Variants in SLC71A1 observed in about 807,000 individuals in gnomAD.
SLC71A1 encodes the protein hippocampus abundant gene transcript 1.
chr1:100,063,871 A>C, the SLC71A1 span, among the ~76,000 whole-genome samples: 1 of 152,146 alleles, frequency 6.6e-6, no homozygotes, highest in Non-Finnish European at 1.5e-5. Context: ...TACCAAGTGG[A>C]GAGAACTGAG....
At chr1:100,072,779 TC>T in the SLC71A1 span, among the ~76,000 whole-genome samples, 1 of 152,140 alleles carries the variant, frequency 6.6e-6, no homozygotes, top group Non-Finnish European at 1.5e-5. Context: ...CCCCATTACT[TC>T]CTGGGCACCG....
At chr1:100,067,793 G>A in the SLC71A1 span, among the ~76,000 whole-genome samples, 1 of 152,106 alleles carries the variant, frequency 6.6e-6, no homozygotes, top group Non-Finnish European at 1.5e-5. Context: ...CTGGGCGACA[G>A]AGCAAGACCC....
chr1:100,048,992 A>G, the SLC71A1 span, among the ~76,000 whole-genome samples: 3 of 152,244 alleles, frequency 2.0e-5, no homozygotes, highest in Middle Eastern at 6.8e-3. Flanking sequence ...GCTCCTCCCA[A>G]TTTCAAATCC....
At chr1:100,078,566 A>T in the SLC71A1 span, 4 of 1,521,676 alleles carry the variant, frequency 2.6e-6, no homozygotes, top group Non-Finnish European at 3.6e-6. Flanking sequence ...GATAGGAACT[A>T]GCGATAATTA....
the SLC71A1 span, among the ~76,000 whole-genome samples, chr1:100,055,669 C>T: frequency 2.6e-5 from 4 of 151,934 alleles, no homozygotes; most frequent in Non-Finnish European, 4.4e-5. Context: ...GTAATAATTA[C>T]GTCAGGGTAA....
chr1:100,074,104 C>T, the SLC71A1 span, among the ~76,000 whole-genome samples: 229 of 152,196 alleles, frequency 1.5e-3, 5 homozygotes, highest in Admixed American at 0.014. Flanking sequence ...TTGTAAGTAT[C>T]GGTGTCTTTT....
the SLC71A1 span, chr1:100,069,587 T>C: frequency 1.4e-6 from 2 of 1,475,234 alleles, no homozygotes; most frequent in Non-Finnish European, 1.9e-6. Context: ...TATTCATTAA[T>C]GTTACCTTTT....
chr1:100,065,645 TTTC>T, the SLC71A1 span, among the ~76,000 whole-genome samples: 1 of 150,010 alleles, frequency 6.7e-6, no homozygotes, highest in South Asian at 2.1e-4. Flanking sequence ...TCCCTTCTTT[TTTC>T]TTTTTCTTTC....
chr1:100,082,269 C>G, the SLC71A1 span: 31 of 1,272,760 alleles, frequency 2.4e-5, no homozygotes, highest in Non-Finnish European at 3.4e-5. Context: ...ACCTCTAGTT[C>G]TGGATGTACA....
At chr1:100,069,781 A>G in the SLC71A1 span, 3 of 796,004 alleles carry the variant, frequency 3.8e-6, no homozygotes, top group East Asian at 2.4e-5. Flanking sequence ...TGGAATCAAC[A>G]AAGTCAGGAG....
the SLC71A1 span, among the ~76,000 whole-genome samples, chr1:100,055,776 C>T: frequency 9.5e-4 from 144 of 152,054 alleles, no homozygotes; most frequent in African/African-American, 3.3e-3. Context: ...TTTTTTGAGA[C>T]GGAGTCTTGC....
At chr1:100,066,893 G>T in the SLC71A1 span, among the ~76,000 whole-genome samples, 2 of 148,530 alleles carry the variant, frequency 1.3e-5, no homozygotes, top group African/African-American at 5.0e-5. Flanking sequence ...GGAGGCTGAG[G>T]CAGGAGAATG....
At chr1:100,046,709 A>G in the SLC71A1 span, among the ~76,000 whole-genome samples, 1 of 152,182 alleles carries the variant, frequency 6.6e-6, no homozygotes, top group Non-Finnish European at 1.5e-5. Context: ...GATTCTTCCA[A>G]TTTATGAACA....
the SLC71A1 span, chr1:100,059,979 A>G: frequency 6.2e-7 from 1 of 1,612,174 alleles, no homozygotes; most frequent in Non-Finnish European, 8.5e-7. Flanking sequence ...CATGTGCCCC[A>G]ATTCCTTTAA....
the SLC71A1 span, among the ~76,000 whole-genome samples, chr1:100,048,160 A>G: frequency 6.6e-6 from 1 of 151,432 alleles, no homozygotes; most frequent in African/African-American, 2.4e-5. Context: ...TGGACAAAAC[A>G]GGTTTAAAGC....
chr1:100,046,584 T>C, the SLC71A1 span, among the ~76,000 whole-genome samples: 1 of 152,174 alleles, frequency 6.6e-6, no homozygotes, highest in Non-Finnish European at 1.5e-5. Flanking sequence ...TGTGGTTCCA[T>C]ATAAGTTTTA....
chr1:100,068,528 TTC>T, the SLC71A1 span: 1 of 1,614,028 alleles, frequency 6.2e-7, no homozygotes, highest in Non-Finnish European at 8.5e-7. Flanking sequence ...ATTACAGTGT[TTC>T]TCTCCTACCT....
chr1:100,050,043 A>G, the SLC71A1 span: 2 of 1,056,496 alleles, frequency 1.9e-6, no homozygotes, highest in African/African-American at 1.6e-5. Context: ...TGACTCCAAA[A>G]TCTCTTCTTC....
At chr1:100,042,482 G>A in the SLC71A1 span, among the ~76,000 whole-genome samples, 3 of 152,156 alleles carry the variant, frequency 2.0e-5, no homozygotes, top group Non-Finnish European at 2.9e-5. Context: ...TGCAAGGATG[G>A]CTGAAGTAGT....
Sources: allele counts gnomAD v4.1 joint callset (sites outside exome capture counted in the v4.1 genomes callset), GRCh38; gene constraint gnomAD v4.1.1; transcripts MANE v1.5; gene names NCBI Gene and HGNC (gene_info 2026-07-23, HGNC 2026-07-21).